Variants in SEC14L2 observed in about 807,000 individuals in gnomAD.
SEC14L2 encodes SEC14 like lipid binding 2.
A neutral mutation model predicts 56.9 loss-of-function variants in SEC14L2; 50 were observed. The observed-to-expected ratio is 0.88, with a 90% confidence interval of 0.70 to 1.11. The LOEUF (loss-of-function observed/expected upper bound fraction) is 1.11, where lower values mean the gene tolerates loss of function less well. SEC14L2 is among the 50% of genes most tolerant of loss of function. The pLI, the probability that SEC14L2 is intolerant of heterozygous loss-of-function variation, is 0.00. For synonymous variants in SEC14L2, 179 were observed against 188.5 expected, an observed-to-expected ratio of 0.95 and a Z score of 0.41; for missense variants, 414 against 500.7, an observed-to-expected ratio of 0.83 and a Z score of 1.65.
chr22:30,399,530 A>G (rs1031132510), intron 1 of SEC14L2, 113 bp from the exon 2 acceptor site: 28 of 561,832 alleles, frequency 5.0e-5, no homozygotes, highest in African/African-American at 4.4e-4. Context: ...AAAAAAAAAA[A>G]AAAAAAAGAA....
rs1288250412 is a variant in SEC14L2 at position 30,423,131 on chromosome 22, A to C, written c.*724A>C. On this transcript the variant is annotated 3_prime_UTR_variant, in exon 12 of 12. Transcript: ENST00000615189. ...ATGCAAACAAAGCGCCAGGGAAATG[A>C]CCCACAGGGATCGCAGCTGCAGGGA... 1 of 152,730 alleles carries C rather than the reference A, an allele frequency of 6.5e-6. No individual in the cohort carries two copies. The highest frequency in any genetic ancestry group is 1.5e-5 in the Non-Finnish European group (1 of 68,124). 9.5% of individuals were successfully genotyped at this position (152,730 alleles called of 1,614,324 possible). A position where few individuals can be genotyped will look rare whatever the true frequency, so the allele number is the denominator to read the frequency against.
intron 2 of SEC14L2, chr22:30,400,381 C>T (rs969229875): frequency 1.3e-5 from 2 of 152,206 alleles, no homozygotes; most frequent in African/African-American, 2.4e-5. Flanking sequence ...TGCTGCAAGA[C>T]GTGACATGAC....
intron 2 of SEC14L2, among the ~76,000 whole-genome samples, chr22:30,405,355 T>C (rs914629939): frequency 6.6e-6 from 1 of 152,292 alleles, no homozygotes; most frequent in Middle Eastern, 3.4e-3. Flanking sequence ...CTGAAATGAA[T>C]CTCAACTCAG....
Position 30,409,227 on chromosome 22 carries a change from G to A in SEC14L2, c.464G>A (p.Cys155Tyr), listed in dbSNP as rs1934182181. ...KVETITIIYDCEGLGLKHLWK... is the reference protein window; with the variant it reads ...KVETITIIYDYEGLGLKHLWK... ...GAGACCATCACCATAATTTATGACT[G>A]CGAGGGGCTTGGCCTCAAGCATCTC... Residue 155 changes from cysteine to tyrosine, a missense_variant, in exon 6 of 12, where the codon TGC becomes TAC. Transcript: ENST00000615189. 4 of 1,613,980 alleles carry A rather than the reference G, an allele frequency of 2.5e-6. No homozygotes were observed. Among genetic ancestry groups the A allele is most frequent in the Non-Finnish European group, 3.4e-6 (4 of 1,180,024 alleles).
intron 3 of SEC14L2, 37 bp downstream of exon 3, chr22:30,406,422 A>G (rs1289514616): frequency 6.2e-7 from 1 of 1,609,744 alleles, no homozygotes; most frequent in African/African-American, 1.3e-5. Flanking sequence ...GTTCCTCCCC[A>G]TCAGAATCAC....
chr22:30,397,139 T>C lies in SEC14L2; in HGVS notation c.23T>C (p.Leu8Pro), dbSNP rs1363125495. Residue 8 changes from leucine to proline, a missense_variant, in exon 1 of 12, where the codon CTG becomes CCG. Transcript: ENST00000615189. ...ACGATGAGCGGCAGAGTCGGCGATC[T>C]GAGCCCCAGGCAGAAGGAGGCATTG... MSGRVGDLSPRQKEALAK... is the reference protein window; with the variant it reads MSGRVGDPSPRQKEALAK... 5 of 1,547,552 alleles carry C rather than the reference T, an allele frequency of 3.2e-6. No homozygotes were observed. The highest frequency in any genetic ancestry group is 3.5e-6 in the Non-Finnish European group (4 of 1,145,814).
chr22:30,415,694 G>C (rs1934368370), intron 8 of SEC14L2, 65 bp from the exon 9 acceptor site: 7 of 1,428,782 alleles, frequency 4.9e-6, no homozygotes, highest in East Asian at 2.3e-5. Context: ...TAGACCACTA[G>C]GGTTATGGCG....
Position 30,407,142 on chromosome 22 carries a change from G to A in SEC14L2, c.222G>A (p.Trp74Ter), listed in dbSNP as rs979554892. ...AGGACATTGACAACATCATTAGCTG[G>A]CAGCCTCCAGAGGTGAGCACAAATT... ...KQKDIDNIISWQPPEVIQQYL... is the reference protein window; with the variant it reads ...KQKDIDNIIS Residue 74 changes from tryptophan to a stop codon, truncating the protein, a stop_gained, in exon 4 of 12, where the codon TGG becomes TGA. Transcript: ENST00000615189. LOFTEE classifies it high-confidence loss of function. 7 of 1,613,876 alleles carry A rather than the reference G, an allele frequency of 4.3e-6. No individual in the cohort carries two copies. Among genetic ancestry groups the A allele is most frequent in the African/African-American group, 1.3e-5 (1 of 74,928 alleles).
At chr22:30,420,225 T>C (rs1934482012) in intron 11 of SEC14L2, among the ~76,000 whole-genome samples, 1 of 152,220 alleles carries the variant, frequency 6.6e-6, no homozygotes, top group Non-Finnish European at 1.5e-5. Flanking sequence ...AGTGCTGGGA[T>C]TACAGGCGTG....
chr22:30,397,960 C>T (rs1470774291), intron 1 of SEC14L2: 5 of 459,166 alleles, frequency 1.1e-5, no homozygotes, highest in African/African-American at 6.0e-5. Flanking sequence ...AATCTCTTAT[C>T]TGTCACCCCT....
In SEC14L2 at chr22:30,406,374, A is replaced by AT; in HGVS notation, c.164dup (p.Met55IlefsTer15). 6.2e-7 allele frequency: 1 copy of AT among 1,614,066 alleles called. No homozygotes were observed. Among genetic ancestry groups the AT allele is most frequent in the Non-Finnish European group, 8.5e-7 (1 of 1,179,980 alleles). On this transcript the variant is annotated frameshift_variant, in exon 3 of 12. Transcript: ENST00000615189. LOFTEE classifies it high-confidence loss of function. ...CTTCGACCTGCAGAAGTCGGAGGCC[A>AT]TGCTCCGGAAGGTGAGACACATTTG...
chr22:30,411,131 G>A (rs887220877), intron 8 of SEC14L2, among the ~76,000 whole-genome samples: 1 of 152,054 alleles, frequency 6.6e-6, no homozygotes, highest in Non-Finnish European at 1.5e-5. Flanking sequence ...GCATAATGGC[G>A]TGCACTTGTA....
chr22:30,411,761 A>AAAAAAAAAAAAAAAAAAAG (rs1555997934), intron 8 of SEC14L2, among the ~76,000 whole-genome samples: 2 of 142,778 alleles, frequency 1.4e-5, no homozygotes, highest in African/African-American at 5.3e-5. Flanking sequence ...AAAAAAAAAA[A>AAAAAAAAAAAAAAAAAAAG]GGGGTCCCTT....
chr22:30,418,200 G>A (rs1051121507), intron 11 of SEC14L2, among the ~76,000 whole-genome samples: 4 of 152,152 alleles, frequency 2.6e-5, no homozygotes, highest in Non-Finnish European at 5.9e-5. Flanking sequence ...TTACCAGCAT[G>A]AGCCACCATG....
chr22:30,406,280 C>T (rs1934090015), intron 2 of SEC14L2, 62 bp from the exon 3 acceptor site: 11 of 1,548,362 alleles, frequency 7.1e-6, no homozygotes, highest in South Asian at 3.4e-5. Context: ...TGGGAATCTC[C>T]CCATCCTTGG....
In SEC14L2 at chr22:30,407,524, C is replaced by T. The variant is rs757311327; in HGVS notation, c.344C>T (p.Ala115Val). ...PLDAKGLLFS[A>V]SKQDLLRTKM... ...GATGCCAAGGGTCTGCTGTTCTCAG[C>T]CTCCAAACAGGACCTGCTGAGGACC... is the stretch of plus-strand genomic sequence containing the variant. Residue 115 changes from alanine (A) to valine (V), a missense_variant, in exon 5 of 12, where the codon GCC becomes GTC. Coordinates refer to ENST00000615189, the MANE Select transcript of SEC14L2 (RefSeq NM_012429.5). The T allele has an allele frequency of 1.2e-6, 2 of 1,614,156 alleles. No individual in the cohort carries two copies. The highest frequency in any genetic ancestry group is 2.2e-5 in the South Asian group (2 of 91,084).
intron 2 of SEC14L2, among the ~76,000 whole-genome samples, chr22:30,401,593 A>AACCTCC (rs547621022): frequency 0.014 from 2,092 of 148,674 alleles, 51 homozygotes; most frequent in African/African-American, 0.049. Flanking sequence ...GGCTCACTGC[A>AACCTCC]ACCTCCACCT....
chr22:30,411,401 C>CT, intron 8 of SEC14L2, among the ~76,000 whole-genome samples: 1 of 152,140 alleles, frequency 6.6e-6, no homozygotes, highest in Non-Finnish European at 1.5e-5. Flanking sequence ...ATTTGACAAG[C>CT]ACATAGTATG....
chr22:30,418,114 C>T (rs767737625), intron 11 of SEC14L2, among the ~76,000 whole-genome samples: 8 of 152,086 alleles, frequency 5.3e-5, no homozygotes, highest in East Asian at 3.9e-4. Flanking sequence ...GACGAGGTAT[C>T]GCTGTGTTGC....
Sources: gnomAD v4.1 joint callset for allele counts (sites outside exome capture counted in the v4.1 genomes callset) on GRCh38, gnomAD v4.1.1 for gene constraint, MANE v1.5 for transcripts, NCBI Gene and HGNC (gene_info 2026-07-23, HGNC 2026-07-21) for gene names.